Variants in DACH2 observed in about 807,000 individuals in gnomAD.
DACH2 encodes dachshund homolog 2.
DACH2 carries 17 observed loss-of-function variants against 35.8 expected under a neutral mutation model. The ratio of observed to expected loss-of-function variants is 0.48; its 90% confidence interval spans 0.33 to 0.71. The LOEUF (loss-of-function observed/expected upper bound fraction) is 0.71, where lower values mean the gene tolerates loss of function less well. DACH2 is among the 30% of genes least tolerant of loss of function. DACH2 has a pLI of 0.02. For synonymous variants in DACH2, 195 were observed against 177.3 expected (o/e 1.10, Z -0.79); for missense variants, 469 against 472.7 (o/e 0.99, Z 0.07).
intron 1 of DACH2, among the ~76,000 whole-genome samples, chrX:86,293,560 A>C (rs180884391): frequency 0.012 from 1,291 of 109,854 alleles, 5 homozygotes; most frequent in Middle Eastern, 0.028. Flanking sequence ...AGCGGCTGGT[A>C]CCGGTTGTTC....
intron 7 of DACH2, among the ~76,000 whole-genome samples, chrX:86,759,547 G>A (rs2041859770): frequency 1.0e-5 from 1 of 97,359 alleles, no homozygotes; most frequent in African/African-American, 3.7e-5. Context: ...GCAGCATATA[G>A]TTGTTGTTGT....
intron 2 of DACH2, among the ~76,000 whole-genome samples, chrX:86,420,571 C>T (rs1354681785): frequency 6.3e-5 from 7 of 111,050 alleles, no homozygotes; most frequent in African/African-American, 2.3e-4. Flanking sequence ...AATAAAAAAC[C>T]GAACCTGTCA....
intron 1 of DACH2, among the ~76,000 whole-genome samples, chrX:86,157,237 A>G (rs191390316): frequency 8.9e-6 from 1 of 111,793 alleles, no homozygotes; most frequent in Admixed American, 9.5e-5. Flanking sequence ...AATGGTGTGT[A>G]ATGTAGTGTG....
At chrX:86,547,646 T>A (rs1017513878) in intron 3 of DACH2, among the ~76,000 whole-genome samples, 1 of 111,329 alleles carries the variant, frequency 9.0e-6, no homozygotes, top group Admixed American at 9.6e-5. Flanking sequence ...AAGTGTTTTC[T>A]TTTGTTCATT....
chrX:86,303,419 G>A (rs762518771), intron 1 of DACH2, among the ~76,000 whole-genome samples: 3 of 109,861 alleles, frequency 2.7e-5, no homozygotes, highest in Non-Finnish European at 5.7e-5. Context: ...AAGCAATATG[G>A]GTCCAAATGT....
chrX:86,700,776 T>C (rs771881273), intron 5 of DACH2, among the ~76,000 whole-genome samples: 80 of 110,976 alleles, frequency 7.2e-4, no homozygotes, highest in African/African-American at 2.5e-3. Flanking sequence ...CCTGAAAATA[T>C]ACAACCACCC....
At chrX:86,404,908 G>T (rs1306017168) in intron 2 of DACH2, among the ~76,000 whole-genome samples, 2 of 112,165 alleles carry the variant, frequency 1.8e-5, no homozygotes, top group African/African-American at 6.5e-5. Flanking sequence ...TTTGACTTCT[G>T]CACATCCATA....
chrX:86,313,296 T>C (rs2034835626), intron 1 of DACH2, among the ~76,000 whole-genome samples: 1 of 112,051 alleles, frequency 8.9e-6, no homozygotes, highest in East Asian at 2.8e-4. Context: ...CTGTTTAGAA[T>C]AAAAGTAGAT....
chrX:86,778,677 C>A (rs2042060153), intron 7 of DACH2, among the ~76,000 whole-genome samples: 1 of 111,247 alleles, frequency 9.0e-6, no homozygotes, highest in Non-Finnish European at 1.9e-5. Flanking sequence ...GTGGCGTGAT[C>A]TCAGCTCACT....
intron 1 of DACH2, among the ~76,000 whole-genome samples, chrX:86,371,441 C>T (rs2035886274): frequency 9.0e-6 from 1 of 110,765 alleles, no homozygotes; most frequent in Admixed American, 9.7e-5. Context: ...TGAGAGGAAG[C>T]AAATGGTCAG....
chrX:86,237,384 T>C (rs762416022), intron 1 of DACH2, among the ~76,000 whole-genome samples: 1 of 112,330 alleles, frequency 8.9e-6, no homozygotes, highest in South Asian at 3.7e-4. Context: ...CTGTAAATAA[T>C]TGTATGTGTT....
intron 1 of DACH2, among the ~76,000 whole-genome samples, chrX:86,320,714 G>A (rs1168809664): frequency 8.9e-6 from 1 of 112,307 alleles, no homozygotes; most frequent in Admixed American, 9.4e-5. Context: ...TAAGTTCCTT[G>A]GTTAAGTAGC....
At chrX:86,570,232 AC>A (rs2039347982) in intron 3 of DACH2, among the ~76,000 whole-genome samples, 1 of 111,809 alleles carries the variant, frequency 8.9e-6, no homozygotes, top group Non-Finnish European at 1.9e-5. Context: ...CAATCTCGTT[AC>A]TGGGTATATA....
intron 2 of DACH2, among the ~76,000 whole-genome samples, chrX:86,425,986 A>C (rs1023447193): frequency 1.8e-5 from 2 of 111,379 alleles, no homozygotes; most frequent in African/African-American, 6.5e-5. Context: ...TGAAAAATTA[A>C]CTTGAAAGAA....
chrX:86,707,887 C>A lies in DACH2; in HGVS notation c.932-6661C>A, dbSNP rs755599582. ...CCGAGATCACACCACTGTATTCCAG[C>A]CTGGTGACAGAGTAAGACTCCATCT... On this transcript the variant is annotated intron_variant, in intron 5 of 11. Coordinates refer to ENST00000373125, the MANE Select transcript of DACH2 (RefSeq NM_053281.3). Among the ~76,000 whole-genome samples, 4 of 61,065 alleles carry A rather than the reference C, an allele frequency of 6.6e-5. No homozygotes were observed. In the South Asian group the frequency reaches 2.8e-3, roughly 42 times the overall value. The allele number at this position is 61,065 out of a possible 115,157, so 53.0% of individuals were successfully genotyped here. A position where few individuals can be genotyped will look rare whatever the true frequency, so the allele number is the denominator to read the frequency against.
intron 1 of DACH2, among the ~76,000 whole-genome samples, chrX:86,167,724 A>C: frequency 9.0e-6 from 1 of 110,563 alleles, no homozygotes; most frequent in Non-Finnish European, 1.9e-5. Context: ...TGAATCCCAT[A>C]GTTTTGGTAT....
intron 2 of DACH2, among the ~76,000 whole-genome samples, chrX:86,378,480 C>G (rs2036000040): frequency 9.1e-6 from 1 of 110,477 alleles, no homozygotes. Context: ...GTGGCTGTTA[C>G]TCAGTTTGGC....
chrX:86,294,682 G>A (rs1417405534), intron 1 of DACH2, among the ~76,000 whole-genome samples: 2 of 110,415 alleles, frequency 1.8e-5, no homozygotes, highest in Admixed American at 9.6e-5. Context: ...AGTACTCTGT[G>A]TGAGGTGTCA....
intron 7 of DACH2, among the ~76,000 whole-genome samples, chrX:86,804,822 C>A (rs2042327038): frequency 8.9e-6 from 1 of 112,548 alleles, no homozygotes; most frequent in Non-Finnish European, 1.9e-5. Flanking sequence ...CCTTTGACTT[C>A]ATGTCTCACA....
Sources: gnomAD v4.1 joint callset for allele counts (sites outside exome capture counted in the v4.1 genomes callset) on GRCh38, gnomAD v4.1.1 for gene constraint, MANE v1.5 for transcripts, NCBI Gene and HGNC (gene_info 2026-07-23, HGNC 2026-07-21) for gene names.